The following TNPO3 variants were observed in gnomAD, a reference collection of about 807,000 sequenced individuals.
TNPO3 encodes the protein transportin-3.
Under a neutral mutation model 122.8 loss-of-function variants are expected in TNPO3, and 65 were observed. That is an observed-to-expected ratio of 0.53 (90% CI 0.43 to 0.65). The LOEUF (loss-of-function observed/expected upper bound fraction) is 0.65, where lower values mean the gene tolerates loss of function less well. Ranked by LOEUF, TNPO3 falls within the 30% of genes least tolerant of loss-of-function variation. TNPO3 has a pLI of 0.00. For synonymous variants in TNPO3, 372 were observed against 411.2 expected, an observed-to-expected ratio of 0.90 and a Z score of 1.15; for missense variants, 850 against 1,136.7, an observed-to-expected ratio of 0.75 and a Z score of 3.63.
intron 16 of TNPO3, among the ~76,000 whole-genome samples, chr7:128,978,278 C>T (rs1799275410): frequency 6.6e-6 from 1 of 152,298 alleles, no homozygotes; most frequent in Non-Finnish European, 1.5e-5. Context: ...ATCTTAATGA[C>T]TAAAAGAGTC....
chr7:128,988,294 C>A (rs1800382430), intron 11 of TNPO3, among the ~76,000 whole-genome samples: 1 of 152,022 alleles, frequency 6.6e-6, no homozygotes. Context: ...TGTCTTAAAG[C>A]CCATTTAAAA....
intron 1 of TNPO3, among the ~76,000 whole-genome samples, chr7:129,040,765 C>G (rs965362895): frequency 6.6e-5 from 10 of 152,030 alleles, no homozygotes; most frequent in African/African-American, 2.4e-4. Flanking sequence ...TTGACTTACT[C>G]TTGTGCAAAT....
Position 128,971,426 on chromosome 7 carries a change from G to A in TNPO3, c.2430+1000C>T, listed in dbSNP as rs534705906. Among the ~76,000 whole-genome samples, 27 of 152,312 alleles carry A rather than the reference G, an allele frequency of 1.8e-4. No individual in the cohort carries two copies. The East Asian group carries it at 3.5e-3, about 20-fold the overall frequency. On this transcript the variant is annotated intron_variant, in intron 19 of 22. Coordinates refer to ENST00000265388, the MANE Select transcript of TNPO3 (RefSeq NM_012470.4). ...CTCCCAAAGTGCTGGGATTACAGGC[G>A]TGAGCCACTGCGCCTGGCCCTTCTT...
chr7:128,956,708 C>G (rs368756102), intron 22 of TNPO3, among the ~76,000 whole-genome samples: 1 of 152,138 alleles, frequency 6.6e-6, no homozygotes, highest in Non-Finnish European at 1.5e-5. Flanking sequence ...CCAAGCATTT[C>G]GGATAAGGGA....
At chr7:128,989,833 A>G (rs1800561106) in intron 11 of TNPO3, 128 bp downstream of exon 11, 1 of 983,142 alleles carries the variant, frequency 1.0e-6, no homozygotes, top group African/African-American at 1.6e-5. Context: ...CATATTGTTT[A>G]CTCTCAGTTT....
At chr7:128,955,502 A>G in intron 22 of TNPO3, 117 bp from the exon 23 acceptor site, 1 of 348,616 alleles carries the variant, frequency 2.9e-6, no homozygotes, top group South Asian at 2.2e-5. Context: ...AAGTCTGCCA[A>G]TAAGAACTCA....
chr7:128,978,715 T>C (rs558458161), intron 16 of TNPO3, among the ~76,000 whole-genome samples: 299 of 152,306 alleles, frequency 2.0e-3, no homozygotes, highest in Non-Finnish European at 3.6e-3. Flanking sequence ...TGGAGTGCAG[T>C]GCAGCTCCTG....
chr7:129,030,362 C>T (rs1805786259), intron 1 of TNPO3: 1 of 211,958 alleles, frequency 4.7e-6, no homozygotes, highest in Non-Finnish European at 9.4e-6. Context: ...CAGAGGCCAA[C>T]AATCTACATG....
intron 1 of TNPO3, among the ~76,000 whole-genome samples, chr7:129,044,577 T>C (rs1201248644): frequency 6.6e-6 from 1 of 152,202 alleles, no homozygotes; most frequent in Non-Finnish European, 1.5e-5. Flanking sequence ...AACTATCCCT[T>C]GTAGCAATAC....
chr7:129,013,919 T>A (rs1163370065), intron 4 of TNPO3, among the ~76,000 whole-genome samples: 2 of 151,432 alleles, frequency 1.3e-5, no homozygotes, highest in Non-Finnish European at 2.9e-5. Context: ...TGAAAAAAAA[T>A]GGATCTCATA....
At chr7:129,002,373 G>A (rs1208557625) in intron 5 of TNPO3, among the ~76,000 whole-genome samples, 1 of 152,206 alleles carries the variant, frequency 6.6e-6, no homozygotes, top group African/African-American at 2.4e-5. Flanking sequence ...AATCAGAGCA[G>A]ACCAAAAGGT....
chr7:128,974,781 C>A, intron 18 of TNPO3, 87 bp downstream of exon 18: 1 of 1,146,854 alleles, frequency 8.7e-7, no homozygotes, highest in South Asian at 1.3e-5. Context: ...CTTCATTTTA[C>A]AAGAATAAAA....
intron 16 of TNPO3, among the ~76,000 whole-genome samples, chr7:128,977,069 TA>T (rs543784859): frequency 2.7e-4 from 41 of 152,078 alleles, no homozygotes; most frequent in African/African-American, 9.6e-4. Context: ...AGTAAAACAT[TA>T]AAAAAAACAC....
chr7:129,054,542 C>A, intron 1 of TNPO3, 109 bp downstream of exon 1: 1 of 1,508,644 alleles, frequency 6.6e-7, no homozygotes, highest in Non-Finnish European at 8.9e-7. Flanking sequence ...CAGCTCCTCC[C>A]CAAGGAGGAC....
intron 1 of TNPO3, among the ~76,000 whole-genome samples, chr7:129,033,540 G>A (rs1806197310): frequency 1.3e-5 from 2 of 152,116 alleles, no homozygotes; most frequent in Admixed American, 1.3e-4. Context: ...AAAGGGGATG[G>A]AGGCTCCTCA....
At chr7:128,988,627 G>T (rs921667475) in intron 11 of TNPO3, among the ~76,000 whole-genome samples, 2 of 152,166 alleles carry the variant, frequency 1.3e-5, no homozygotes, top group Admixed American at 6.5e-5. Flanking sequence ...AGTCAACCTA[G>T]ATTTGCTGCT....
At chr7:128,978,638 T>C (rs1402797287) in intron 16 of TNPO3, among the ~76,000 whole-genome samples, 1 of 152,098 alleles carries the variant, frequency 6.6e-6, no homozygotes, top group African/African-American at 2.4e-5. Context: ...ATCAGCAAAG[T>C]TTTTGTTCTA....
chr7:129,042,624 C>G (rs957264622), intron 1 of TNPO3, among the ~76,000 whole-genome samples: 4 of 151,978 alleles, frequency 2.6e-5, no homozygotes, highest in Non-Finnish European at 5.9e-5. Context: ...AGATAAATTG[C>G]TAGATTTGTT....
At chr7:129,001,324 C>T (rs980520309) in intron 5 of TNPO3, 90 bp from the exon 6 acceptor site, 6 of 1,038,914 alleles carry the variant, frequency 5.8e-6, no homozygotes, top group Non-Finnish European at 8.2e-6. Context: ...GTTCAATCAA[C>T]CATCGATAGA....
Sources: gnomAD v4.1 joint callset for allele counts (sites outside exome capture counted in the v4.1 genomes callset) on GRCh38, gnomAD v4.1.1 for gene constraint, MANE v1.5 for transcripts, NCBI Gene and HGNC (gene_info 2026-07-23, HGNC 2026-07-21) for gene names.